Variants in DAW1 observed in about 807,000 individuals in gnomAD.
The protein encoded by DAW1 is dynein assembly factor with WD repeats 1, also known as dynein assembly factor with WD repeat domains 1.
In DAW1, 47 loss-of-function variants were observed where a neutral mutation model predicts 56.5. That is an observed-to-expected ratio of 0.83 (90% CI 0.66 to 1.06). DAW1 has a LOEUF of 1.06. DAW1 is among the 50% of genes least tolerant of loss of function. The pLI, the probability that DAW1 is intolerant of heterozygous loss-of-function variation, is 0.00. For synonymous variants in DAW1, 190 were observed against 179.0 expected (o/e 1.06, Z -0.49); for missense variants, 505 against 499.3 (o/e 1.01, Z -0.11).
intron 1 of DAW1, among the ~76,000 whole-genome samples, chr2:227,879,927 A>G (rs1335332927): frequency 6.6e-6 from 1 of 152,160 alleles, no homozygotes; most frequent in Non-Finnish European, 1.5e-5. Context: ...TTGTATCAAA[A>G]CCACACTTTA....
At chr2:227,923,632 A>T (rs1233218425) in intron 12 of DAW1, among the ~76,000 whole-genome samples, 2 of 151,980 alleles carry the variant, frequency 1.3e-5, no homozygotes, top group Non-Finnish European at 2.9e-5. Flanking sequence ...GGCAGAGGGG[A>T]TGGCTGAGGT....
chr2:227,885,739 G>A (rs775993343), intron 2 of DAW1, among the ~76,000 whole-genome samples: 1 of 152,158 alleles, frequency 6.6e-6, no homozygotes, highest in African/African-American at 2.4e-5. Context: ...TAACATCTCA[G>A]ATTAGCGGTG....
chr2:227,923,983 T>G lies in DAW1; in HGVS notation c.*15T>G, dbSNP rs202204724. 565 of 1,613,838 alleles carry G rather than the reference T, an allele frequency of 3.5e-4. No homozygotes were observed. Among genetic ancestry groups the G allele is most frequent in the Non-Finnish European group, 4.3e-4 (506 of 1,179,888 alleles). On this transcript the variant is annotated 3_prime_UTR_variant, in exon 13 of 13. Coordinates refer to ENST00000309931, the MANE Select transcript of DAW1 (RefSeq NM_178821.3). ...TATGGCGTTGACTGAAGGAAGCTGG[T>G]CAGTGAGCAACCTTGCTAGCAATGG... is the stretch of plus-strand genomic sequence containing the variant.
At chr2:227,876,528 A>G (rs1249162251) in intron 1 of DAW1, 1 of 1,294,960 alleles carries the variant, frequency 7.7e-7, no homozygotes, top group Admixed American at 2.3e-5. Flanking sequence ...ATCAGATAGG[A>G]AAAATTATTC....
At chr2:227,885,651 T>TAA (rs11377802) in intron 2 of DAW1, among the ~76,000 whole-genome samples, 1 of 151,784 alleles carries the variant, frequency 6.6e-6, no homozygotes, top group African/African-American at 2.4e-5. Flanking sequence ...TCTAAGGTCT[T>TAA]AAAAAAATAA....
At chr2:227,876,513 G>C (rs1226014406) in intron 1 of DAW1, 2 of 1,300,436 alleles carry the variant, frequency 1.5e-6, no homozygotes, top group Middle Eastern at 2.1e-4. Flanking sequence ...TTCAATAATA[G>C]CATTATCAGA....
At chr2:227,891,925 T>C (rs1691275028) in intron 4 of DAW1, among the ~76,000 whole-genome samples, 1 of 152,100 alleles carries the variant, frequency 6.6e-6, no homozygotes, top group South Asian at 2.1e-4. Context: ...GTCAGTTCCT[T>C]CTGAGGCCTT....
In DAW1 at chr2:227,918,761, C is replaced by A. The variant is rs556589504; in HGVS notation, c.974-19C>A. The A allele has an allele frequency of 1.2e-6, 2 of 1,613,206 alleles. No homozygotes were observed. Among genetic ancestry groups the A allele is most frequent in the South Asian group, 1.1e-5 (1 of 91,048 alleles). ...GTATTTAAGATGAATTTATATATAT[C>A]CCCACCCCTCTCAAAAAGGAACAGC... is the stretch of plus-strand genomic sequence containing the variant. On this transcript the variant is annotated intron_variant, in intron 10 of 12. Coordinates refer to ENST00000309931, the MANE Select transcript of DAW1 (RefSeq NM_178821.3).
chr2:227,873,185 A>G (rs1025144237), intron 1 of DAW1, among the ~76,000 whole-genome samples: 4 of 152,164 alleles, frequency 2.6e-5, no homozygotes, highest in Non-Finnish European at 4.4e-5. Context: ...TTCAGTTTCA[A>G]TCAATGTCAA....
At chr2:227,898,891 A>G (rs1397800463) in intron 6 of DAW1, among the ~76,000 whole-genome samples, 1 of 152,222 alleles carries the variant, frequency 6.6e-6, no homozygotes, top group African/African-American at 2.4e-5. Context: ...TCTTTAAAGT[A>G]CTGACTCAAT....
At chr2:227,914,844 T>C (rs150089715) in intron 10 of DAW1, among the ~76,000 whole-genome samples, 402 of 152,258 alleles carry the variant, frequency 2.6e-3, no homozygotes, top group African/African-American at 9.3e-3. Context: ...TATGTCATCC[T>C]TTTAATCACA....
intron 1 of DAW1, among the ~76,000 whole-genome samples, chr2:227,874,742 A>C (rs6710425): frequency 1 from 152,200 of 152,208 alleles, 76,096 homozygotes; most frequent in Non-Finnish European, 1. Flanking sequence ...ACTATCCTGA[A>C]CTGAGGTCAG....
At chr2:227,915,011 A>T (rs547827570) in intron 10 of DAW1, among the ~76,000 whole-genome samples, 40 of 152,178 alleles carry the variant, frequency 2.6e-4, no homozygotes, top group Non-Finnish European at 4.7e-4. Context: ...CATGTATGAT[A>T]CTGCTGTACT....
At chr2:227,889,758 T>C in intron 2 of DAW1, 98 bp from the exon 3 acceptor site, 1 of 1,011,352 alleles carries the variant, frequency 9.9e-7, no homozygotes, top group Non-Finnish European at 1.4e-6. Flanking sequence ...ATTTTATAAA[T>C]GTGCTTCATG....
At chr2:227,907,105 T>A in intron 9 of DAW1, 33 bp from the exon 10 acceptor site, 1 of 1,439,778 alleles carries the variant, frequency 6.9e-7, no homozygotes, top group Non-Finnish European at 9.5e-7. Context: ...GTCATAGTCT[T>A]TTTTTTTTTG....
chr2:227,873,431 G>A (rs2106182027), intron 1 of DAW1, among the ~76,000 whole-genome samples: 1 of 152,278 alleles, frequency 6.6e-6, no homozygotes, highest in Middle Eastern at 3.4e-3. Context: ...GATCAGGAAT[G>A]TTTGTTGAAT....
At chr2:227,891,379 A>T (rs1266280019) in intron 4 of DAW1, 66 bp downstream of exon 4, 1 of 1,370,512 alleles carries the variant, frequency 7.3e-7, no homozygotes, top group Non-Finnish European at 1.0e-6. Flanking sequence ...TTTATCAAAG[A>T]TTCCAGTTAG....
intron 11 of DAW1, among the ~76,000 whole-genome samples, chr2:227,920,001 A>C (rs1456634490): frequency 1.3e-5 from 2 of 152,108 alleles, no homozygotes; most frequent in Admixed American, 1.3e-4. Flanking sequence ...CCTCTTCATA[A>C]GCTGGGAGGC....
At chr2:227,890,078 AATATTTTTTCAT>A in intron 3 of DAW1, 78 bp downstream of exon 3, 3 of 1,391,438 alleles carry the variant, frequency 2.2e-6, no homozygotes, top group Non-Finnish European at 2.8e-6. Context: ...TTTCCCTAAA[AATATTTTTTCAT>A]GAAAAAGGCA....
Sources: gnomAD v4.1 joint callset for allele counts (sites outside exome capture counted in the v4.1 genomes callset) on GRCh38, gnomAD v4.1.1 for gene constraint, MANE v1.5 for transcripts, NCBI Gene and HGNC (gene_info 2026-07-23, HGNC 2026-07-21) for gene names.